SMARCC2: variants seen among roughly 807,000 people sequenced by gnomAD.
SMARCC2 encodes SWI/SNF related BAF chromatin remodeling complex subunit C2, also known as SWI/SNF complex subunit SMARCC2.
SMARCC2 carries 15 observed loss-of-function variants against 151.3 expected under a neutral mutation model. The ratio of observed to expected loss-of-function variants is 0.10; its 90% CI spans 0.07 to 0.15. The LOEUF (loss-of-function observed/expected upper bound fraction) is 0.15. Ranked by LOEUF, SMARCC2 falls within the 10% of genes least tolerant of loss-of-function variation. SMARCC2 has a pLI of 1.00. For synonymous variants in SMARCC2, 590 were observed against 609.5 expected, an observed-to-expected ratio of 0.97 and a Z score of 0.47; for missense variants, 1,031 against 1,599.7, an observed-to-expected ratio of 0.64 and a Z score of 6.06.
chr12:56,182,733 A>C (rs1164310322), intron 7 of SMARCC2, among the ~76,000 whole-genome samples: 1 of 149,356 alleles, frequency 6.7e-6, no homozygotes, highest in Non-Finnish European at 1.5e-5. Context: ...CTAGTATTAT[A>C]GGAGTGAGCT....
In SMARCC2 at chr12:56,186,192, G is replaced by T; in HGVS notation, c.280C>A (p.Leu94Ile). 6.2e-7 allele frequency: 1 copy of T among 1,612,966 alleles called. No homozygotes were observed. The highest frequency in any genetic ancestry group is 8.5e-7 in the Non-Finnish European group (1 of 1,178,930). Residue 94 changes from leucine to isoleucine, a missense_variant, in exon 3 of 29, where the codon CTT becomes ATT. Coordinates refer to ENST00000550164, the MANE Select transcript of SMARCC2 (RefSeq NM_001330288.2). ...CTCTTGAATTTGTAGGCAGCTGCAA[G>T]AATGTGGCACAAGGAGCCTCCCGCT... ...FKAGGSLCHI[L>I]AAAYKFKSDQ...
In SMARCC2 at chr12:56,165,543, T is replaced by C; in HGVS notation, c.3007A>G (p.Ile1003Val). ...PPALPPGSQP[I>V]PPTGAAGPPA... ...GGCCCAGCAGCCCCTGTTGGGGGGATAGGCTGGGAGCCTGGGGGCAGGGCT... is the reference window on the plus strand; with the variant it reads ...GGCCCAGCAGCCCCTGTTGGGGGGACAGGCTGGGAGCCTGGGGGCAGGGCT... Residue 1003 changes from isoleucine to valine, a missense_variant, in exon 27 of 29, where the codon ATC (isoleucine) becomes GTC (valine). Ile to Val is a conservative substitution (Grantham distance 29). Around this residue, in one of 12 missense-constraint regions of SMARCC2, gnomAD observed 310 missense variants for 350.0 expected, o/e 0.89. Transcript: ENST00000550164. 6.2e-7 allele frequency: 1 copy of C among 1,611,836 alleles called. No homozygotes were observed. The highest frequency in any genetic ancestry group is 8.5e-7 in the Non-Finnish European group (1 of 1,179,190).
At chr12:56,168,295 T>A in intron 25 of SMARCC2, 101 bp from the exon 26 acceptor site, 1 of 1,386,132 alleles carries the variant, frequency 7.2e-7, no homozygotes, top group Non-Finnish European at 1.0e-6. Flanking sequence ...AGAACAAATT[T>A]GCTGTGGTCA....
intron 28 of SMARCC2, 146 bp downstream of exon 28, chr12:56,164,157 C>T (rs1872317571): frequency 1.3e-6 from 1 of 770,670 alleles, no homozygotes; most frequent in Non-Finnish European, 2.0e-6. Flanking sequence ...CCAGAGAGGC[C>T]CTTCCTCCTG....
At position 56,165,601 on chromosome 12, in the gene SMARCC2, T is replaced by C. The variant is rs1485835286; in HGVS notation, c.2949A>G (p.Gln983=). 2 of 1,613,644 alleles carry C rather than the reference T, an allele frequency of 1.2e-6. No individual in the cohort carries two copies. The highest frequency in any genetic ancestry group is 1.7e-6 in the Non-Finnish European group (2 of 1,180,028). The change falls in exon 27 of 29, where the codon CAA becomes CAG. Residue 983 remains glutamine (Q), a synonymous_variant. Transcript: ENST00000550164. ...GCTGCTGCTGCTGTTGGTGCATCTG[T>C]TGGAAGTGCTGCTGCCGAGCCCTCA... is the stretch of plus-strand genomic sequence containing the variant. ...AEMRARQQHF[Q]QMHQQQQQPP... is the part of the protein sequence containing the mutation.
In SMARCC2 at chr12:56,169,517, G is replaced by T. The variant is rs761074730; in HGVS notation, c.2715+12C>A. The T allele has an allele frequency of 5.0e-6, 8 of 1,613,546 alleles. No homozygotes were observed. Among genetic ancestry groups the T allele is most frequent in the Non-Finnish European group, 5.1e-6 (6 of 1,179,624 alleles). ...CATTTTCTTCCCTGAGGTCTTCAAG[G>T]TCTGGCCTCACCTTAGCTTTCACTG... On this transcript the variant is annotated intron_variant, in intron 25 of 28. Transcript: ENST00000550164.
Position 56,173,865 on chromosome 12 carries a change from C to G in SMARCC2, c.1497-16G>C. On this transcript the variant is annotated splice_polypyrimidine_tract_variant and intron_variant, in intron 16 of 28. Transcript: ENST00000550164. ...GGCATGGACCCTGTGCAGAGAGAGG[C>G]AGAGACAGGGTCACACGGATAGCCA... 6.2e-7 allele frequency: 1 copy of G among 1,606,636 alleles called. No individual in the cohort carries two copies. Among genetic ancestry groups the G allele is most frequent in the Non-Finnish European group, 8.5e-7 (1 of 1,175,410 alleles).
chr12:56,181,817 G>C lies in SMARCC2; in HGVS notation c.727C>G (p.Leu243Val). 4 of 1,614,124 alleles carry C rather than the reference G, an allele frequency of 2.5e-6. No individual in the cohort carries two copies. Among genetic ancestry groups the C allele is most frequent in the Non-Finnish European group, 3.4e-6 (4 of 1,180,016 alleles). Residue 243 changes from leucine (L) to valine (V), a missense_variant, in exon 9 of 29, where the codon CTG (leucine) becomes GTG (valine). Physicochemically the swap from Leu to Val is conservative, Grantham distance 32 (BLOSUM62 1). Coordinates refer to ENST00000550164, the MANE Select transcript of SMARCC2 (RefSeq NM_001330288.2). ...CATTCATTGAAGGTGTCGGTGTCCA[G>C]GATCCACTTTGCATGAACCTAAAGT... is the stretch of plus-strand genomic sequence containing the variant. ...KPRKVHAKWI[L>V]DTDTFNEWMN...
chr12:56,184,636 G>C (rs1044176213), intron 5 of SMARCC2: 2 of 580,970 alleles, frequency 3.4e-6, no homozygotes, highest in Non-Finnish European at 6.1e-6. Context: ...ATAGTCTCTA[G>C]AACAGTAATG....
chr12:56,170,930 A>G (rs1469881014), intron 22 of SMARCC2, among the ~76,000 whole-genome samples: 2 of 151,634 alleles, frequency 1.3e-5, no homozygotes, highest in Non-Finnish European at 2.9e-5. Context: ...ACAGGGTTTC[A>G]GCATCTTGGC....
intron 12 of SMARCC2, 34 bp downstream of exon 12, chr12:56,178,963 T>G: frequency 6.2e-7 from 1 of 1,612,370 alleles, no homozygotes; most frequent in Non-Finnish European, 8.5e-7. Context: ...TTCCCTTGGC[T>G]CTGACTGCCG....
At chr12:56,185,628 G>A (rs1384261597) in intron 3 of SMARCC2, 3 of 166,152 alleles carry the variant, frequency 1.8e-5, no homozygotes, top group Admixed American at 5.7e-5. Flanking sequence ...ACAGGTGCCC[G>A]CCACCATGCC....
intron 1 of SMARCC2, 22 bp from the exon 2 acceptor site, chr12:56,187,328 A>G: frequency 4.4e-6 from 7 of 1,605,660 alleles, no homozygotes; most frequent in South Asian, 2.2e-5. Context: ...GAGGGAAAGG[A>G]AAGAAAAATA....
chr12:56,185,861 C>G (rs1877145093), intron 3 of SMARCC2: 1 of 388,626 alleles, frequency 2.6e-6, no homozygotes, highest in Non-Finnish European at 4.6e-6. Flanking sequence ...GTTCACTGAT[C>G]TCAACTCCAT....
In SMARCC2 at chr12:56,187,152, C is replaced by T. The variant is rs911118227; in HGVS notation, c.231+35G>A. 5 of 1,580,714 alleles carry T rather than the reference C, an allele frequency of 3.2e-6. No individual in the cohort carries two copies. The African/African-American group carries it at 5.4e-5, about 17-fold the overall frequency. ...CTTCAGTTTGAAGGATTCACCACCA[C>T]CACCCCCCACCCTCCCTGCTACTTC... On this transcript the variant is annotated intron_variant, in intron 2 of 28. Coordinates refer to ENST00000550164, the MANE Select transcript of SMARCC2 (RefSeq NM_001330288.2).
At chr12:56,181,897 C>T in intron 8 of SMARCC2, 62 bp from the exon 9 acceptor site, 1 of 1,608,950 alleles carries the variant, frequency 6.2e-7, no homozygotes, top group Admixed American at 1.7e-5. Flanking sequence ...TGTCTGGGGA[C>T]CCTTAACAGA....
In SMARCC2 at chr12:56,165,571, T is replaced by C. The variant is rs1467184506; in HGVS notation, c.2979A>G (p.Pro993=). 12 of 1,613,272 alleles carry C rather than the reference T, an allele frequency of 7.4e-6. No homozygotes were observed. Among genetic ancestry groups the C allele is most frequent in the Non-Finnish European group, 1.0e-5 (12 of 1,179,972 alleles). Residue 993 remains proline (P), a synonymous_variant, in exon 27 of 29, where the codon CCA becomes CCG. Coordinates refer to ENST00000550164, the MANE Select transcript of SMARCC2 (RefSeq NM_001330288.2). ...GCTGGGAGCCTGGGGGCAGGGCTGG[T>C]GGTGGCTGCTGCTGCTGTTGGTGCA... ...QQMHQQQQQP[P]PALPPGSQPI...
rs1443201847 is a variant in SMARCC2, at chr12:56,172,716, G to A, written c.1744-12C>T. 1 of 1,613,804 alleles carries A rather than the reference G, an allele frequency of 6.2e-7. No homozygotes were observed. The highest frequency in any genetic ancestry group is 8.5e-7 in the Non-Finnish European group (1 of 1,180,028). ...GAAGCAGAGGTCTGCTATTTGTGGA[G>A]GGAAAGAAACAGGTGAGTACAAGTG... On this transcript the variant is annotated splice_polypyrimidine_tract_variant and intron_variant, in intron 18 of 28. Transcript: ENST00000550164.
In SMARCC2 at chr12:56,178,718, A is replaced by C. The variant is rs557325868; in HGVS notation, c.1179+92T>G. The C allele has an allele frequency of 2.0e-6, 3 of 1,484,894 alleles. No homozygotes were observed. The African/African-American group carries it at 4.2e-5, about 21-fold the overall frequency. The allele number at this position is 1,484,894 out of a possible 1,614,324, so 92.0% of individuals were successfully genotyped here. ...GCTGGAATTAGTCTACAGTGGGTAA[A>C]GTCTGGGCAGTGAAAAGTTTGGGCA... On this transcript the variant is annotated intron_variant, in intron 13 of 28. Transcript: ENST00000550164.
Sources: gnomAD v4.1 joint callset for allele counts (sites outside exome capture counted in the v4.1 genomes callset) on GRCh38, gnomAD v4.1.1 for gene constraint, gnomAD v4.1.1 regional missense constraint, MANE v1.5 for transcripts, NCBI Gene and HGNC (gene_info 2026-07-23, HGNC 2026-07-21) for gene names.